The following SLC7A11 variants were observed in gnomAD, a reference collection of about 807,000 sequenced individuals.
The protein encoded by SLC7A11 is solute carrier family 7 member 11.
A neutral mutation model predicts 54.5 loss-of-function variants in SLC7A11; 35 were observed. The ratio of observed to expected loss-of-function variants is 0.64; its 90% confidence interval spans 0.49 to 0.85. SLC7A11 has a LOEUF of 0.85. SLC7A11 is among the 40% of genes least tolerant of loss of function. The probability of loss-of-function intolerance (pLI) is 0.00; values close to 1 mark genes in which losing one functional copy is unlikely to be tolerated. For synonymous variants in SLC7A11, 230 were observed against 225.2 expected (o/e 1.02, Z -0.19); for missense variants, 583 against 618.1 (o/e 0.94, Z 0.60).
intron 5 of SLC7A11, 23 bp from the exon 6 acceptor site, chr4:138,214,652 TA>T: frequency 1.1e-6 from 1 of 917,094 alleles, no homozygotes. Context: ...AAATAAATTA[TA>T]AACTATTAAT....
chr4:138,241,956 C>T lies in SLC7A11; in HGVS notation c.114G>A (p.Val38=), dbSNP rs750526322. ...GTAAAGTGACTTTCCTCTTCAGCTG[C>T]ACTTTCTCCTGCCCAGGTGGCTCCT... ...GNKEPPGQEK[V]QLKRKVTLLR... Residue 38 remains valine (V), a synonymous_variant, in exon 1 of 12, where the codon GTG becomes GTA. Coordinates refer to ENST00000280612, the MANE Select transcript of SLC7A11 (RefSeq NM_014331.4). The T allele has an allele frequency of 6.2e-7, 1 of 1,614,046 alleles. No homozygotes were observed. The highest frequency in any genetic ancestry group is 8.5e-7 in the Non-Finnish European group (1 of 1,180,040).
intron 3 of SLC7A11, 53 bp from the exon 4 acceptor site, chr4:138,223,377 C>G: frequency 6.3e-7 from 1 of 1,594,432 alleles, no homozygotes; most frequent in Non-Finnish European, 8.6e-7. Context: ...GGCACAAAGA[C>G]ATTTTAGGTC....
chr4:138,230,098 C>A (rs1255798103), intron 3 of SLC7A11, among the ~76,000 whole-genome samples: 2 of 152,118 alleles, frequency 1.3e-5, no homozygotes, highest in Non-Finnish European at 2.9e-5. Context: ...TGACTGTGAT[C>A]ATGTCTTCTG....
chr4:138,230,256 T>C (rs1738041458), intron 3 of SLC7A11, among the ~76,000 whole-genome samples: 1 of 151,960 alleles, frequency 6.6e-6, no homozygotes, highest in African/African-American at 2.4e-5. Flanking sequence ...CTGGGCCTGC[T>C]TGAGGGTGTT....
chr4:138,197,331 T>C (rs1737162897), intron 6 of SLC7A11, among the ~76,000 whole-genome samples: 1 of 152,100 alleles, frequency 6.6e-6, no homozygotes, highest in Admixed American at 6.6e-5. Context: ...AGAAGTATTC[T>C]GAAAAGTAGA....
chr4:138,222,567 T>A (rs1362334313), intron 4 of SLC7A11, among the ~76,000 whole-genome samples: 1 of 152,336 alleles, frequency 6.6e-6, no homozygotes, highest in African/African-American at 2.4e-5. Flanking sequence ...AAATGTCACC[T>A]CTCAATTTCT....
At chr4:138,216,657 G>A (rs181007050) in intron 5 of SLC7A11, among the ~76,000 whole-genome samples, 15 of 152,194 alleles carry the variant, frequency 9.9e-5, no homozygotes, top group Non-Finnish European at 2.2e-4. Flanking sequence ...CCCCACCCTG[G>A]GCTTGGTGGT....
chr4:138,227,017 T>C (rs1170363606), intron 3 of SLC7A11, among the ~76,000 whole-genome samples: 5 of 152,166 alleles, frequency 3.3e-5, no homozygotes, highest in Non-Finnish European at 5.9e-5. Context: ...AAGAAATACA[T>C]ATTTGAAGGA....
chr4:138,207,857 T>A (rs958522697), intron 6 of SLC7A11, among the ~76,000 whole-genome samples: 1 of 152,132 alleles, frequency 6.6e-6, no homozygotes, highest in Non-Finnish European at 1.5e-5. Context: ...TTCTTATGTT[T>A]TTTACTCAGG....
At position 138,171,438 on chromosome 4, in the gene SLC7A11, T is replaced by A. The variant is rs546488459; in HGVS notation, c.*518A>T. ...CATTAAAGCATGAGTGTTTGTTATC[T>A]AAATTGGTATCTAAGGGGAAGCAAT... On this transcript the variant is annotated 3_prime_UTR_variant, in exon 12 of 12. Transcript: ENST00000280612. The A allele has an allele frequency of 6.5e-6, 1 of 153,066 alleles. No homozygotes were observed. The highest frequency in any genetic ancestry group is 2.1e-4 in the South Asian group (1 of 4,846). 9.5% of individuals were successfully genotyped at this position (153,066 alleles called of 1,614,324 possible).
chr4:138,194,768 C>T (rs1244275565), intron 6 of SLC7A11, among the ~76,000 whole-genome samples: 4 of 152,136 alleles, frequency 2.6e-5, no homozygotes, highest in Non-Finnish European at 5.9e-5. Context: ...ACACAGATTA[C>T]CAAATCTCTC....
At chr4:138,179,418 T>C in intron 10 of SLC7A11, 24 bp from the exon 11 acceptor site, 1 of 1,606,442 alleles carries the variant, frequency 6.2e-7, no homozygotes, top group Non-Finnish European at 8.5e-7. Context: ...CACAAAAAAG[T>C]CACTTCAAAC....
chr4:138,180,453 A>G (rs933241676), intron 10 of SLC7A11, among the ~76,000 whole-genome samples, 188 bp downstream of exon 10: 2 of 152,146 alleles, frequency 1.3e-5, no homozygotes, highest in Admixed American at 6.6e-5. Context: ...CACATAAAAA[A>G]TTGGATCCAC....
rs985119742 is a variant in SLC7A11, at chr4:138,166,465, C to T, written c.*5491G>A. The stretch of plus-strand genomic sequence containing the variant: ...TGGCTTTCAGCACGGCCTTCTGAGG[C>T]TTTAACAAGAGGTAATAAGGACTTA... On this transcript the variant is annotated 3_prime_UTR_variant, in exon 12 of 12. Transcript: ENST00000280612. 9 of 152,540 alleles carry T rather than the reference C, an allele frequency of 5.9e-5. No homozygotes were observed. The highest frequency in any genetic ancestry group is 2.2e-4 in the African/African-American group (9 of 41,424). 9.4% of individuals were successfully genotyped at this position (152,540 alleles called of 1,614,324 possible).
At chr4:138,220,578 A>G (rs1376265708) in intron 4 of SLC7A11, among the ~76,000 whole-genome samples, 4 of 152,200 alleles carry the variant, frequency 2.6e-5, no homozygotes, top group African/African-American at 9.7e-5. Context: ...TATGAATCAC[A>G]TTGGAGCTTT....
chr4:138,171,933 G>A lies in SLC7A11; in HGVS notation c.*23C>T, dbSNP rs1285207479. 6.4e-7 allele frequency: 1 copy of A among 1,574,592 alleles called. No homozygotes were observed. The highest frequency in any genetic ancestry group is 8.6e-7 in the Non-Finnish European group (1 of 1,166,952). On this transcript the variant is annotated 3_prime_UTR_variant, in exon 12 of 12. Transcript: ENST00000280612. ...TTTTGTGTCTCCCCTTGGGCAGATT[G>A]CCAAGATCTCAAGTCCATTAGTTCA...
chr4:138,179,467 T>C, intron 10 of SLC7A11, 73 bp from the exon 11 acceptor site: 1 of 1,326,006 alleles, frequency 7.5e-7, no homozygotes, highest in Non-Finnish European at 1.1e-6. Flanking sequence ...GATGAGCGTG[T>C]CAGTCATGAC....
At chr4:138,232,187 G>T in intron 3 of SLC7A11, 80 bp downstream of exon 3, 3 of 967,964 alleles carry the variant, frequency 3.1e-6, no homozygotes, top group Non-Finnish European at 5.0e-6. Context: ...ATCCCGCAAT[G>T]CAAAAAGTCT....
rs1029258469 is a variant in SLC7A11 at position 138,166,393 on chromosome 4, T to C, written c.*5563A>G. 5.9e-5 allele frequency: 9 copies of C among 152,282 alleles called. No homozygotes were observed. Among genetic ancestry groups the C allele is most frequent in the Admixed American group, 5.9e-4 (9 of 15,278 alleles). 9.4% of individuals were successfully genotyped at this position (152,282 alleles called of 1,614,324 possible). The stretch of plus-strand genomic sequence containing the variant: ...GTCACACAAGGTACTCAAAATACAG[T>C]CACCACTGCAAAAGAGATACCTGTG... On this transcript the variant is annotated 3_prime_UTR_variant, in exon 12 of 12. Transcript: ENST00000280612.
Sources: gnomAD v4.1 joint callset for allele counts (sites outside exome capture counted in the v4.1 genomes callset) on GRCh38, gnomAD v4.1.1 for gene constraint, MANE v1.5 for transcripts, NCBI Gene and HGNC (gene_info 2026-07-23, HGNC 2026-07-21) for gene names.